The following NCOA4 variants were observed in gnomAD, a reference collection of about 807,000 sequenced individuals.
NCOA4 encodes the protein nuclear receptor coactivator 4.
In NCOA4, 31 loss-of-function variants were observed where a neutral mutation model predicts 69.5. That is an observed-to-expected ratio of 0.45 (90% CI 0.34 to 0.60). The LOEUF is 0.60. NCOA4 is among the 20% of genes least tolerant of loss of function. The pLI, the probability that NCOA4 is intolerant of heterozygous loss-of-function variation, is 0.02. For synonymous variants in NCOA4, 228 were observed against 252.4 expected, an observed-to-expected ratio of 0.90 and a Z score of 0.92; for missense variants, 600 against 719.2, an observed-to-expected ratio of 0.83 and a Z score of 1.90.
intron 5 of NCOA4, among the ~76,000 whole-genome samples, chr10:46,014,175 C>T (rs1203117269): frequency 6.6e-6 from 1 of 152,032 alleles, no homozygotes; most frequent in Admixed American, 6.6e-5. Context: ...TATAGGCGCC[C>T]AGCTAATTTT....
intron 9 of NCOA4, among the ~76,000 whole-genome samples, chr10:46,008,202 ATTTCAAC>A (rs1286109654): frequency 1.3e-5 from 2 of 152,226 alleles, no homozygotes; most frequent in Non-Finnish European, 2.9e-5. Context: ...TCAAAGAGTA[ATTTCAAC>A]TTTCAAGTAT....
chr10:46,020,995 G>A (rs1340800375), intron 1 of NCOA4, among the ~76,000 whole-genome samples: 2 of 152,224 alleles, frequency 1.3e-5, no homozygotes, highest in Admixed American at 1.3e-4. Context: ...GGAAGTAAAG[G>A]AGGAGGAAAC....
At chr10:46,008,998 T>C in intron 9 of NCOA4, 1 of 602,608 alleles carries the variant, frequency 1.7e-6, no homozygotes, top group Non-Finnish European at 2.9e-6. Flanking sequence ...TAAGACATAA[T>C]GTTATTGCAG....
rs1303209612 is a variant in NCOA4, at chr10:46,005,634, A to T, written c.*958T>A. ...AAGTGTTGAAAACGGCCTGTTCACT[A>T]AAACGTCACTTTTGGAGGTACAGGT... is the stretch of plus-strand genomic sequence containing the variant. On this transcript the variant is annotated 3_prime_UTR_variant, in exon 10 of 10. Coordinates refer to ENST00000581486, the MANE Select transcript of NCOA4 (RefSeq NM_001145263.2). 1.4e-5 allele frequency: 3 copies of T among 219,446 alleles called. No individual in the cohort carries two copies. In the South Asian group the frequency reaches 5.6e-4, roughly 41 times the overall value. 13.6% of individuals were successfully genotyped at this position (219,446 alleles called of 1,614,324 possible).
rs368457824 is a variant in NCOA4, at chr10:46,015,278, A to G, written c.142-12T>C. On this transcript the variant is annotated splice_polypyrimidine_tract_variant and intron_variant, in intron 2 of 9. Coordinates refer to ENST00000581486, the MANE Select transcript of NCOA4 (RefSeq NM_001145263.2). ...ATCTGAGCTTTGACCTAGGAAACACATACATGTTAGCTTCCTAGTGTTAAT... is the reference window on the plus strand; with the variant it reads ...ATCTGAGCTTTGACCTAGGAAACACGTACATGTTAGCTTCCTAGTGTTAAT... 10 of 1,582,280 alleles carry G rather than the reference A, an allele frequency of 6.3e-6. No homozygotes were observed. In the East Asian group the frequency reaches 1.9e-4, roughly 30 times the overall value.
chr10:46,027,373 C>CTAAG (rs1840219796), intron 1 of NCOA4: 1 of 1,475,372 alleles, frequency 6.8e-7, no homozygotes, highest in African/African-American at 1.4e-5. Context: ...AGAAGATAAG[C>CTAAG]TAAGGACAAT....
intron 9 of NCOA4, 60 bp from the exon 10 acceptor site, chr10:46,006,657 C>T: frequency 6.4e-7 from 1 of 1,563,488 alleles, no homozygotes; most frequent in Non-Finnish European, 8.8e-7. Context: ...GCAAATTTTC[C>T]CTGCCTTAAA....
intron 9 of NCOA4, among the ~76,000 whole-genome samples, chr10:46,007,528 G>A (rs1198364262): frequency 4.0e-5 from 6 of 151,232 alleles, no homozygotes; most frequent in African/African-American, 1.5e-4. Context: ...GTGAATGCCT[G>A]GCTTCAAAGG....
intron 1 of NCOA4, among the ~76,000 whole-genome samples, chr10:46,017,896 T>C (rs896408979): frequency 3.9e-5 from 6 of 152,224 alleles, no homozygotes; most frequent in African/African-American, 1.2e-4. Flanking sequence ...ATGACAGCAG[T>C]GATTACTAGA....
At chr10:46,016,452 T>C in intron 2 of NCOA4, 88 bp downstream of exon 2, 1 of 1,256,978 alleles carries the variant, frequency 8.0e-7, no homozygotes, top group Non-Finnish European at 1.0e-6. Flanking sequence ...AATTTTTTGC[T>C]GGCACGGAGA....
At chr10:46,014,763 A>G (rs1839437391) in intron 4 of NCOA4, 91 bp downstream of exon 4, 5 of 1,040,548 alleles carry the variant, frequency 4.8e-6, no homozygotes, top group Non-Finnish European at 7.2e-6. Flanking sequence ...GAAGTTAAAT[A>G]TAACACAAGC....
chr10:46,010,124 C>T (rs1839116312), intron 8 of NCOA4, 99 bp downstream of exon 8: 1 of 1,407,670 alleles, frequency 7.1e-7, no homozygotes, highest in Non-Finnish European at 9.4e-7. Context: ...GCTGAGATCG[C>T]ACCACTGCAC....
intron 8 of NCOA4, 148 bp downstream of exon 8, chr10:46,010,075 G>T: frequency 1.0e-6 from 1 of 975,818 alleles, no homozygotes; most frequent in Non-Finnish European, 1.5e-6. Flanking sequence ...AGTGCGGGCA[G>T]GGGGATGGCT....
Position 46,005,171 on chromosome 10 carries a change from T to C in NCOA4, c.*1421A>G, listed in dbSNP as rs1838742250. On this transcript the variant is annotated 3_prime_UTR_variant, in exon 10 of 10. Coordinates refer to ENST00000581486, the MANE Select transcript of NCOA4 (RefSeq NM_001145263.2). The stretch of plus-strand genomic sequence containing the variant: ...TTTACATACTCATTAACATAGTGAT[T>C]AATGTAAATTATATTTTGACTTGTA... 1 of 200,870 alleles carries C rather than the reference T, an allele frequency of 5.0e-6. No individual in the cohort carries two copies. The allele number at this position is 200,870 out of a possible 1,614,324, so 12.4% of individuals were successfully genotyped here. A position where few individuals can be genotyped will look rare whatever the true frequency, so the allele number is the denominator to read the frequency against.
In NCOA4 at chr10:46,011,171, G is replaced by A. The variant is rs556404931; in HGVS notation, c.750C>T (p.Val250=). The change falls in exon 8 of 10, where the codon GTC becomes GTT. Residue 250 remains valine (V), a synonymous_variant. Transcript: ENST00000581486. ...TTTCTAAGCCCTTTAGGTTTCCCCC[G>A]ACATTATTGAAGAAATTGCAGGCTC... ...SSRACNFFNN[V]GGNLKGLENW... 37 of 1,598,888 alleles carry A rather than the reference G, an allele frequency of 2.3e-5. No homozygotes were observed. In the East Asian group the frequency reaches 2.7e-4, roughly 12 times the overall value.
chr10:46,027,532 T>C, intron 1 of NCOA4: 1 of 1,476,846 alleles, frequency 6.8e-7, no homozygotes, highest in Non-Finnish European at 9.1e-7. Flanking sequence ...GACATAACTG[T>C]ATGAAAACAA....
At chr10:46,030,288 G>A (rs1480050973) in intron 1 of NCOA4, among the ~76,000 whole-genome samples, 1 of 151,926 alleles carries the variant, frequency 6.6e-6, no homozygotes, top group African/African-American at 2.4e-5. Context: ...CGGGCCCGGC[G>A]TGTGGCGGGA....
At chr10:46,006,846 C>A (rs1703697699) in intron 9 of NCOA4, among the ~76,000 whole-genome samples, 3 of 152,208 alleles carry the variant, frequency 2.0e-5, no homozygotes. Flanking sequence ...CCTCCCTGTT[C>A]CCTGAGACAA....
Position 46,012,931 on chromosome 10 carries a change from G to C in NCOA4, c.666C>G (p.Thr222=), listed in dbSNP as rs376016629. The C allele has an allele frequency of 6.2e-7, 1 of 1,614,124 alleles. No individual in the cohort carries two copies. Among genetic ancestry groups the C allele is most frequent in the South Asian group, 1.1e-5 (1 of 91,082 alleles). Residue 222 remains threonine (T), a synonymous_variant, in exon 7 of 10, where the codon ACC becomes ACG. Transcript: ENST00000581486. ...TTTGGGTAAGCCAGTCCTGGGGGTC[G>C]GTGCTGGGTATGTAAGGAGCTTGAT... The part of the protein sequence containing the change: ...SGYQAPYIPS[T]DPQDWLTQKQ...
Sources: allele counts gnomAD v4.1 joint callset (sites outside exome capture counted in the v4.1 genomes callset), GRCh38; gene constraint gnomAD v4.1.1; transcripts MANE v1.5; gene names NCBI Gene and HGNC (gene_info 2026-07-23, HGNC 2026-07-21).